The following EPHA5 variants were observed in gnomAD, a reference collection of about 807,000 sequenced individuals.
EPHA5 encodes EPH receptor A5, also known as ephrin type-A receptor 5.
Under a neutral mutation model 105.0 loss-of-function variants are expected in EPHA5, and 60 were observed. The observed-to-expected ratio is 0.57, with a 90% CI of 0.46 to 0.71. The LOEUF (loss-of-function observed/expected upper bound fraction) is 0.71. Ranked by LOEUF, EPHA5 falls within the 30% of genes least tolerant of loss-of-function variation. The pLI, the probability that EPHA5 is intolerant of heterozygous loss-of-function variation, is 0.00. For missense variants in EPHA5, 1,218 were observed against 1,274.7 expected (o/e 0.96, Z 0.68); for synonymous variants, 513 against 449.1 (o/e 1.14, Z -1.80).
intron 5 of EPHA5, among the ~76,000 whole-genome samples, chr4:65,488,968 C>T (rs967691774): frequency 2.7e-5 from 4 of 149,112 alleles, no homozygotes; most frequent in Non-Finnish European, 5.9e-5. Flanking sequence ...TCACTGCAAG[C>T]TCCTCCTCCT....
rs1012939241 is a variant in EPHA5 at position 65,407,656 on chromosome 4, G to T, written c.1688-3177C>A. On this transcript the variant is annotated intron_variant, in intron 7 of 16. Coordinates refer to ENST00000613740, the MANE Select transcript of EPHA5 (RefSeq NM_001281766.3). ...CCTATTTTGTGAGGAAGAATTTAAA[G>T]AATATATTTTTGTTTATTATTTTAA... Among the ~76,000 whole-genome samples, 7 of 151,098 alleles carry T rather than the reference G, an allele frequency of 4.6e-5. No individual in the cohort carries two copies. In the East Asian group the frequency reaches 9.6e-4, roughly 21 times the overall value.
intron 5 of EPHA5, among the ~76,000 whole-genome samples, chr4:65,463,677 G>A (rs776526989): frequency 5.9e-5 from 9 of 151,908 alleles, no homozygotes; most frequent in Non-Finnish European, 1.3e-4. Context: ...AGTTCATTCA[G>A]ATGTCAAAAA....
chr4:65,352,911 T>G, intron 12 of EPHA5, 131 bp downstream of exon 12: 1 of 429,290 alleles, frequency 2.3e-6, no homozygotes, highest in Non-Finnish European at 4.2e-6. Context: ...CTCCATAAAT[T>G]TCTGTTCTAT....
chr4:65,667,219 T>G (rs1750041653), intron 1 of EPHA5, among the ~76,000 whole-genome samples: 1 of 152,128 alleles, frequency 6.6e-6, no homozygotes, highest in Admixed American at 6.5e-5. Flanking sequence ...TTTAATACAC[T>G]CTGCTGCTCA....
At chr4:65,540,154 C>G (rs879436245) in intron 3 of EPHA5, among the ~76,000 whole-genome samples, 4 of 151,488 alleles carry the variant, frequency 2.6e-5, no homozygotes, top group Non-Finnish European at 5.9e-5. Context: ...CATAAACAAA[C>G]TAGTAGCAAC....
chr4:65,643,842 A>G lies in EPHA5; in HGVS notation c.182-415T>C, dbSNP rs4530687. 3.5e-3 allele frequency among the ~76,000 whole-genome samples: 539 copies of G among 152,152 alleles called. 15 individuals are homozygous for G. The highest frequency in any genetic ancestry group is 0.032 in the Admixed American group (494 of 15,276). ...TAAATGTATTTTATTTTCTTCTGGA[A>G]AGCTGTTATGCAGCAATTAACAAAT... On this transcript the variant is annotated intron_variant, in intron 1 of 16. Transcript: ENST00000613740.
chr4:65,363,937 A>C (rs1297103470), intron 11 of EPHA5, among the ~76,000 whole-genome samples: 2 of 151,556 alleles, frequency 1.3e-5, no homozygotes, highest in East Asian at 3.9e-4. Context: ...TCATTATAAA[A>C]TATTTTTGTT....
intron 7 of EPHA5, among the ~76,000 whole-genome samples, chr4:65,406,348 C>A (rs1375316908): frequency 6.6e-6 from 1 of 152,170 alleles, no homozygotes; most frequent in Non-Finnish European, 1.5e-5. Context: ...GAGTGCTTCT[C>A]TATTTAACTT....
At chr4:65,349,778 A>G (rs938967253) in intron 13 of EPHA5, among the ~76,000 whole-genome samples, 9 of 152,170 alleles carry the variant, frequency 5.9e-5, no homozygotes, top group African/African-American at 2.2e-4. Flanking sequence ...CATAGGCAAG[A>G]TTGTATTATG....
chr4:65,335,987 C>T lies in EPHA5; in HGVS notation c.2734G>A (p.Asp912Asn), dbSNP rs1721138764. 1.2e-6 allele frequency: 2 copies of T among 1,613,126 alleles called. No individual in the cohort carries two copies. Among genetic ancestry groups the T allele is most frequent in the Non-Finnish European group, 1.7e-6 (2 of 1,179,450 alleles). Residue 912 changes from aspartate to asparagine, a missense_variant, in exon 15 of 17, where the codon GAC (aspartate) becomes AAC (asparagine). By Grantham distance (23) the Asp-to-Asn change is conservative. Coordinates refer to ENST00000613740, the MANE Select transcript of EPHA5 (RefSeq NM_001281766.3). ...PKFDEIVNML[D>N]KLIRNPSSLK... ...CTACTTGGGTTACGTATCAGCTTGT[C>T]CAACATGTTGACTATTTCATCAAAC...
chr4:65,607,494 A>AC lies in EPHA5; in HGVS notation c.247-5191_247-5190insG, dbSNP rs1365628938. Among the ~76,000 whole-genome samples, 278 of 41,326 alleles carry AC rather than the reference A, an allele frequency of 6.7e-3. 1 individual carries two copies. Among genetic ancestry groups the AC allele is most frequent in the Non-Finnish European group, 0.014 (173 of 12,108 alleles). 27.1% of individuals were successfully genotyped at this position (41,326 alleles called of 152,430 possible). A position where few individuals can be genotyped will look rare whatever the true frequency, so the allele number is the denominator to read the frequency against. ...CAAAAACAAACAAACAAACAAACAA[A>AC]AAAAAAAACATCAAAAAGTGGGCAA... On this transcript the variant is annotated intron_variant, in intron 2 of 16. Coordinates refer to ENST00000613740, the MANE Select transcript of EPHA5 (RefSeq NM_001281766.3).
intron 12 of EPHA5, 72 bp from the exon 13 acceptor site, chr4:65,351,670 C>G (rs1375967401): frequency 1.6e-5 from 22 of 1,345,368 alleles, no homozygotes; most frequent in Non-Finnish European, 2.1e-5. Flanking sequence ...GGTCTGTATT[C>G]AATCCCCCAA....
intron 16 of EPHA5, among the ~76,000 whole-genome samples, chr4:65,328,716 ATTAC>A (rs1720316631): frequency 6.6e-6 from 1 of 151,104 alleles, no homozygotes; most frequent in African/African-American, 2.4e-5. Flanking sequence ...GGATAAATGT[ATTAC>A]TTTTGGCAAG....
chr4:65,427,480 C>T (rs939717687), intron 5 of EPHA5, among the ~76,000 whole-genome samples: 2 of 151,970 alleles, frequency 1.3e-5, no homozygotes, highest in Non-Finnish European at 2.9e-5. Context: ...CGCGCCCCGT[C>T]CTTGAGTATA....
At chr4:65,519,601 A>G (rs1375396279) in intron 3 of EPHA5, among the ~76,000 whole-genome samples, 1 of 152,006 alleles carries the variant, frequency 6.6e-6, no homozygotes, top group Non-Finnish European at 1.5e-5. Context: ...CTGTTTGCAG[A>G]TGACATGTTT....
intron 5 of EPHA5, among the ~76,000 whole-genome samples, chr4:65,485,775 A>G (rs956761631): frequency 6.6e-6 from 1 of 152,192 alleles, no homozygotes; most frequent in African/African-American, 2.4e-5. Context: ...AATACCACAA[A>G]GAATGGTGCT....
intron 14 of EPHA5, among the ~76,000 whole-genome samples, chr4:65,341,038 A>T (rs745979057): frequency 2.4e-4 from 37 of 152,168 alleles, no homozygotes; most frequent in Non-Finnish European, 4.7e-4. Flanking sequence ...ACAGTCTGAC[A>T]TCTATCCCGG....
chr4:65,421,560 A>G (rs1723948819), intron 5 of EPHA5, among the ~76,000 whole-genome samples: 1 of 152,174 alleles, frequency 6.6e-6, no homozygotes, highest in Non-Finnish European at 1.5e-5. Flanking sequence ...ATAACACAAC[A>G]GTAAAAATCG....
chr4:65,632,068 TA>T (rs1746689006), intron 2 of EPHA5, among the ~76,000 whole-genome samples: 1 of 152,014 alleles, frequency 6.6e-6, no homozygotes. Flanking sequence ...GTAATCCTTA[TA>T]ACAACCTTGT....
Sources: gnomAD v4.1 joint callset for allele counts (sites outside exome capture counted in the v4.1 genomes callset) on GRCh38, gnomAD v4.1.1 for gene constraint, MANE v1.5 for transcripts, NCBI Gene and HGNC (gene_info 2026-07-23, HGNC 2026-07-21) for gene names.